APLF: variants seen among roughly 807,000 people sequenced by gnomAD.
APLF encodes the protein aprataxin and PNK-like factor.
Under a neutral mutation model 55.6 loss-of-function variants are expected in APLF, and 61 were observed. That is an observed-to-expected ratio of 1.10 (90% CI 0.89 to 1.36). The LOEUF is 1.36. Ranked by LOEUF, APLF falls within the 40% of genes most tolerant of loss-of-function variation. APLF has a pLI of 0.00. For synonymous variants in APLF, 207 were observed against 214.8 expected (o/e 0.96, Z 0.32); for missense variants, 611 against 602.5 (o/e 1.01, Z -0.15).
At chr2:68,533,590 C>T (rs1251925748) in intron 6 of APLF, among the ~76,000 whole-genome samples, 2 of 152,048 alleles carry the variant, frequency 1.3e-5, no homozygotes, top group Non-Finnish European at 2.9e-5. Flanking sequence ...AGCTGGGCTT[C>T]ATTCAGCTGA....
At chr2:68,576,864 A>T (rs1671638628) in intron 9 of APLF, among the ~76,000 whole-genome samples, 1 of 152,166 alleles carries the variant, frequency 6.6e-6, no homozygotes, top group Admixed American at 6.6e-5. Context: ...TTCATTAGGG[A>T]CTGTCCTCTG....
intron 5 of APLF, among the ~76,000 whole-genome samples, chr2:68,517,147 GTTA>G (rs1163250551): frequency 8.1e-6 from 1 of 122,802 alleles, no homozygotes; most frequent in African/African-American, 3.3e-5. Context: ...ATTAATATAT[GTTA>G]TTGATATATA....
intron 6 of APLF, chr2:68,531,267 C>T (rs1573228527): frequency 6.6e-6 from 1 of 152,230 alleles, no homozygotes; most frequent in African/African-American, 2.4e-5. Context: ...CATGCTTCCT[C>T]TCTAGCGAGA....
chr2:68,540,882 A>G (rs1200118425), intron 7 of APLF, among the ~76,000 whole-genome samples: 1 of 152,166 alleles, frequency 6.6e-6, no homozygotes, highest in Non-Finnish European at 1.5e-5. Context: ...GCAAACTTGA[A>G]AGACTTACAT....
At position 68,512,926 on chromosome 2, in the gene APLF, G is replaced by T. The variant is rs536542980; in HGVS notation, c.342-154G>T. Among the ~76,000 whole-genome samples, 240 of 151,806 alleles carry T rather than the reference G, an allele frequency of 1.6e-3. 1 individual carries two copies. Among genetic ancestry groups the T allele is most frequent in the African/African-American group, 5.4e-3 (224 of 41,482 alleles). On this transcript the variant is annotated intron_variant, in intron 3 of 9. Transcript: ENST00000303795. The stretch of plus-strand genomic sequence containing the variant: ...GGCAATACAGCAGGTAGGAAATAAA[G>T]AACATATTCTAGTCTATATATTCTA...
At chr2:68,515,163 T>C (rs534343210) in intron 5 of APLF, among the ~76,000 whole-genome samples, 65 of 151,852 alleles carry the variant, frequency 4.3e-4, no homozygotes, top group Non-Finnish European at 7.5e-4. Flanking sequence ...AAGTGCACTA[T>C]ACTTTATGTG....
intron 1 of APLF, among the ~76,000 whole-genome samples, chr2:68,475,631 C>T (rs1675746730): frequency 6.6e-6 from 1 of 152,054 alleles, no homozygotes; most frequent in African/African-American, 2.4e-5. Flanking sequence ...TCATAATTGC[C>T]CCTTCTTAAC....
At chr2:68,480,839 T>G (rs1675928856) in intron 1 of APLF, among the ~76,000 whole-genome samples, 1 of 152,194 alleles carries the variant, frequency 6.6e-6, no homozygotes, top group African/African-American at 2.4e-5. Context: ...CTGAATTATA[T>G]CAAATATTTT....
intron 5 of APLF, among the ~76,000 whole-genome samples, chr2:68,515,127 C>T (rs1669542062): frequency 6.6e-6 from 1 of 151,614 alleles, no homozygotes. Context: ...TTGGATTATA[C>T]TAGGATCAAA....
chr2:68,558,494 C>G (rs1265747233), intron 8 of APLF, among the ~76,000 whole-genome samples: 1 of 152,028 alleles, frequency 6.6e-6, no homozygotes, highest in African/African-American at 2.4e-5. Context: ...TATTGAATTT[C>G]AAAAATGCAA....
chr2:68,527,703 G>A (rs1670110030), intron 6 of APLF, among the ~76,000 whole-genome samples: 1 of 129,840 alleles, frequency 7.7e-6, no homozygotes, highest in African/African-American at 2.9e-5. Context: ...GACAGGGCAG[G>A]GCCCGGGCAG....
chr2:68,552,577 T>C (rs1009631147), intron 8 of APLF, among the ~76,000 whole-genome samples: 2 of 152,174 alleles, frequency 1.3e-5, no homozygotes, highest in African/African-American at 4.8e-5. Context: ...GGCTTTTTTT[T>C]CCTGTTGTTA....
At chr2:68,528,564 G>C in intron 6 of APLF, 1 of 1,533,972 alleles carries the variant, frequency 6.5e-7, no homozygotes, top group Non-Finnish European at 8.7e-7. Context: ...GGATCCTTGG[G>C]CTGCATGTCC....
At position 68,513,202 on chromosome 2, in the gene APLF, C is replaced by A; in HGVS notation, c.464C>A (p.Thr155Asn). Residue 155 changes from threonine to asparagine, a missense_variant, in exon 4 of 10, where the codon ACC becomes AAC. By Grantham distance (65) the Thr-to-Asn change is moderately conservative. Coordinates refer to ENST00000303795, the MANE Select transcript of APLF (RefSeq NM_173545.3). ...QLEGSTEIAK[T>N]QMTPTNSVSF... ...GAAGGAAGCACAGAAATAGCCAAGA[C>A]CCAGATGACTCCCACAAATAGTGTG... 1 of 1,608,866 alleles carries A rather than the reference C, an allele frequency of 6.2e-7. No homozygotes were observed. Among genetic ancestry groups the A allele is most frequent in the Non-Finnish European group, 8.5e-7 (1 of 1,177,730 alleles).
chr2:68,545,778 G>C (rs866189314), intron 8 of APLF, among the ~76,000 whole-genome samples: 1 of 152,108 alleles, frequency 6.6e-6, no homozygotes, highest in Non-Finnish European at 1.5e-5. Flanking sequence ...GTCCTTGTCC[G>C]TATCATGCAC....
chr2:68,559,758 C>G (rs1350008213), intron 8 of APLF, among the ~76,000 whole-genome samples: 1 of 152,130 alleles, frequency 6.6e-6, no homozygotes, highest in Non-Finnish European at 1.5e-5. Flanking sequence ...GCAGTAGTTT[C>G]CCGATATCCC....
chr2:68,525,383 A>G (rs927464697), intron 5 of APLF, among the ~76,000 whole-genome samples: 1 of 152,198 alleles, frequency 6.6e-6, no homozygotes, highest in Non-Finnish European at 1.5e-5. Context: ...TTCATTGGAT[A>G]GCTATAAGTC....
intron 3 of APLF, among the ~76,000 whole-genome samples, chr2:68,511,535 A>G (rs1266265049): frequency 8.6e-5 from 13 of 151,744 alleles, no homozygotes; most frequent in African/African-American, 2.9e-4. Flanking sequence ...GACTTATGCC[A>G]CAATAGAAAA....
At chr2:68,479,872 C>T (rs1190319232) in intron 1 of APLF, among the ~76,000 whole-genome samples, 4 of 152,138 alleles carry the variant, frequency 2.6e-5, no homozygotes, top group African/African-American at 7.2e-5. Flanking sequence ...ATTCCTCCTC[C>T]TCCTCAGCCT....
Sources: allele counts gnomAD v4.1 joint callset (sites outside exome capture counted in the v4.1 genomes callset), GRCh38; gene constraint gnomAD v4.1.1; transcripts MANE v1.5; gene names NCBI Gene and HGNC (gene_info 2026-07-23, HGNC 2026-07-21).